Variants in CSMD1 observed in about 807,000 individuals in gnomAD.
CSMD1 encodes CUB and sushi domain-containing protein 1.
CSMD1 carries 213 observed loss-of-function variants against 417.5 expected under a neutral mutation model. That is an observed-to-expected ratio of 0.51 (90% confidence interval 0.46 to 0.57). CSMD1 has a LOEUF of 0.57. Among genes scored for constraint, CSMD1 ranks in the 20% least tolerant of loss-of-function variants. The pLI is 0.00. For missense variants in CSMD1, 6,923 were observed against 4,529.7 expected, an observed-to-expected ratio of 1.53 and a Z score of -15.17; for synonymous variants, 2,862 against 1,736.8, an observed-to-expected ratio of 1.65 and a Z score of -16.11.
At chr8:3,835,997 C>A (rs896279160) in intron 5 of CSMD1, among the ~76,000 whole-genome samples, 7 of 151,992 alleles carry the variant, frequency 4.6e-5, no homozygotes, top group Non-Finnish European at 1.0e-4. Flanking sequence ...CTATAAGATT[C>A]TATCATTTCT....
At position 3,511,082 on chromosome 8, in the gene CSMD1, G is replaced by A. The variant is rs985322313; in HGVS notation, c.1345-17356C>T. Among the ~76,000 whole-genome samples the A allele has an allele frequency of 4.6e-5, 7 of 151,788 alleles. No individual in the cohort carries two copies. The South Asian group carries it at 1.0e-3, about 22-fold the overall frequency. ...AGGATGACTTGATGTCCTTTGCAGGGACATGGATGAAGCTGGAAACCATCA... is the reference window on the plus strand; with the variant it reads ...AGGATGACTTGATGTCCTTTGCAGGAACATGGATGAAGCTGGAAACCATCA... On this transcript the variant is annotated intron_variant, in intron 10 of 69. Transcript: ENST00000635120.
intron 12 of CSMD1, among the ~76,000 whole-genome samples, chr8:3,457,323 A>G (rs1177153993): frequency 6.6e-6 from 1 of 151,918 alleles, no homozygotes; most frequent in Non-Finnish European, 1.5e-5. Context: ...AGCTCACATC[A>G]CAACCTTTTT....
At chr8:3,217,797 T>C (rs1399099981) in intron 29 of CSMD1, among the ~76,000 whole-genome samples, 1 of 152,158 alleles carries the variant, frequency 6.6e-6, no homozygotes, top group African/African-American at 2.4e-5. Context: ...ATTTTCTACT[T>C]AAAACTATAT....
At chr8:3,957,261 A>G (rs1423069174) in intron 5 of CSMD1, among the ~76,000 whole-genome samples, 1 of 152,228 alleles carries the variant, frequency 6.6e-6, no homozygotes, top group Non-Finnish European at 1.5e-5. Context: ...AGGTTTCACT[A>G]TCGCAGTGGG....
intron 1 of CSMD1, among the ~76,000 whole-genome samples, chr8:4,797,737 C>A (rs543588819): frequency 1.3e-5 from 2 of 152,214 alleles, no homozygotes; most frequent in South Asian, 2.1e-4. Flanking sequence ...TAGGTACATA[C>A]AAATGTAGAA....
At chr8:3,815,489 T>A (rs1317538001) in intron 5 of CSMD1, among the ~76,000 whole-genome samples, 1 of 151,914 alleles carries the variant, frequency 6.6e-6, no homozygotes, top group African/African-American at 2.4e-5. Flanking sequence ...AAAGTTAAAC[T>A]CAAAAATATG....
At chr8:3,519,924 A>G (rs1199982435) in intron 10 of CSMD1, among the ~76,000 whole-genome samples, 4 of 151,994 alleles carry the variant, frequency 2.6e-5, no homozygotes, top group Non-Finnish European at 5.9e-5. Context: ...GTTTACTTTT[A>G]TAAACTCAAC....
chr8:4,042,748 G>A (rs913135619), intron 3 of CSMD1, among the ~76,000 whole-genome samples: 5 of 147,562 alleles, frequency 3.4e-5, no homozygotes, highest in South Asian at 2.2e-4. Context: ...CACAGAGGCT[G>A]GGTAAGAAGA....
chr8:4,427,763 G>C (rs1375079570), intron 2 of CSMD1, among the ~76,000 whole-genome samples: 6 of 151,968 alleles, frequency 3.9e-5, no homozygotes, highest in Admixed American at 3.9e-4. Flanking sequence ...TCTCTCAATA[G>C]AAACTTCAAT....
intron 20 of CSMD1, among the ~76,000 whole-genome samples, chr8:3,364,541 T>C (rs772698122): frequency 9.9e-5 from 15 of 152,226 alleles, no homozygotes; most frequent in Admixed American, 2.0e-4. Context: ...TTCTGACTTT[T>C]ATATGGTCTG....
At chr8:4,382,267 C>A (rs767786511) in intron 3 of CSMD1, among the ~76,000 whole-genome samples, 1 of 152,210 alleles carries the variant, frequency 6.6e-6, no homozygotes, top group South Asian at 2.1e-4. Context: ...ATTGACCTGA[C>A]AGCACTGGGG....
chr8:3,980,455 T>C (rs1018078696), intron 5 of CSMD1, among the ~76,000 whole-genome samples: 2 of 152,182 alleles, frequency 1.3e-5, no homozygotes. Context: ...TACACGTTTG[T>C]GAAGATTTTT....
intron 25 of CSMD1, among the ~76,000 whole-genome samples, chr8:3,305,413 G>T (rs868863615): frequency 1.1e-4 from 16 of 152,088 alleles, no homozygotes; most frequent in Admixed American, 3.9e-4. Context: ...TAGCCATATT[G>T]AAAGTGGGAG....
intron 5 of CSMD1, among the ~76,000 whole-genome samples, chr8:3,976,858 T>A (rs1026750716): frequency 1.2e-4 from 18 of 152,188 alleles, no homozygotes; most frequent in African/African-American, 4.3e-4. Context: ...ACCACTGCAC[T>A]GACCAGCACT....
chr8:4,984,095 G>C (rs1584952175), intron 1 of CSMD1, among the ~76,000 whole-genome samples: 1 of 152,174 alleles, frequency 6.6e-6, no homozygotes, highest in Non-Finnish European at 1.5e-5. Flanking sequence ...CAGTACTTAA[G>C]AAAACAAGAT....
intron 54 of CSMD1, among the ~76,000 whole-genome samples, chr8:2,996,953 A>C (rs1806950071): frequency 2.6e-5 from 4 of 152,186 alleles, no homozygotes; most frequent in African/African-American, 9.7e-5. Context: ...TGATTGAAGC[A>C]AGCTCACCCC....
At chr8:3,511,497 G>A (rs573117035) in intron 10 of CSMD1, among the ~76,000 whole-genome samples, 7 of 151,870 alleles carry the variant, frequency 4.6e-5, no homozygotes, top group East Asian at 3.9e-4. Flanking sequence ...GCTCACGGCT[G>A]TAATCCCTGC....
At chr8:2,999,911 T>C (rs746868081) in intron 53 of CSMD1, 47 bp downstream of exon 53, 2 of 1,527,954 alleles carry the variant, frequency 1.3e-6, no homozygotes, top group Non-Finnish European at 1.8e-6. Context: ...AAAGACAATG[T>C]GGCAAAAGGA....
chr8:3,305,625 T>A (rs1263385086), intron 25 of CSMD1, among the ~76,000 whole-genome samples: 1 of 152,034 alleles, frequency 6.6e-6, no homozygotes, highest in Non-Finnish European at 1.5e-5. Flanking sequence ...TGCCATGCCC[T>A]TGGACTTCCC....
Sources: gnomAD v4.1 joint callset for allele counts (sites outside exome capture counted in the v4.1 genomes callset) on GRCh38, gnomAD v4.1.1 for gene constraint, MANE v1.5 for transcripts, NCBI Gene and HGNC (gene_info 2026-07-23, HGNC 2026-07-21) for gene names.